Variants in HACL2 observed in about 807,000 individuals in gnomAD.
The protein encoded by HACL2 is 2-hydroxyacyl-CoA lyase 1 like.
chr19:15,116,670 T>A, the HACL2 span: 1 of 629,972 alleles, frequency 1.6e-6, no homozygotes, highest in Non-Finnish European at 2.8e-6. Context: ...AAAAAACAGG[T>A]GAAACACCCC....
the HACL2 span, chr19:15,116,731 G>A: frequency 1.7e-6 from 1 of 572,320 alleles, no homozygotes; most frequent in Non-Finnish European, 3.1e-6. Context: ...GGGAAGACAA[G>A]GCCCAAGAAA....
At chr19:15,116,191 G>C in the HACL2 span, 1 of 1,613,690 alleles carries the variant, frequency 6.2e-7, no homozygotes, top group South Asian at 1.1e-5. Flanking sequence ...GGCTGTACCA[G>C]ATGGGCAGCA....
the HACL2 span, chr19:15,122,857 C>T: frequency 6.2e-7 from 1 of 1,613,054 alleles, no homozygotes; most frequent in Non-Finnish European, 8.5e-7. This position sits in a 1 kb window ranked among gnomAD's most constrained non-coding sequence, Gnocchi z 4.0. Context: ...GCCCCTCGGC[C>T]CCAGCACTGC....
At chr19:15,122,747 T>C in the HACL2 span, 1 of 1,614,132 alleles carries the variant, frequency 6.2e-7, no homozygotes, top group East Asian at 2.2e-5. The surrounding 1 kb of genome is among the most constrained non-coding windows in gnomAD (Gnocchi z 4.0). Flanking sequence ...CACCATCTCC[T>C]TCTGGACCAT....
At chr19:15,122,943 T>C in the HACL2 span, 8 of 1,605,566 alleles carry the variant, frequency 5.0e-6, no homozygotes, top group African/African-American at 8.0e-5. This position sits in a 1 kb window ranked among gnomAD's most constrained non-coding sequence, Gnocchi z 4.0. Flanking sequence ...GTGGGCACAA[T>C]GTCCCGCACC....
the HACL2 span, among the ~76,000 whole-genome samples, chr19:15,121,637 C>T: frequency 1.3e-5 from 2 of 151,694 alleles, no homozygotes; most frequent in African/African-American, 2.4e-5. Flanking sequence ...GATGAAACCT[C>T]GTCTCTACTA....
the HACL2 span, chr19:15,119,518 G>A: frequency 1.2e-6 from 2 of 1,612,206 alleles, no homozygotes; most frequent in Admixed American, 1.7e-5. Context: ...CGCTGAACCT[G>A]GAGCGAGAGG....
chr19:15,119,738 A>G, the HACL2 span, among the ~76,000 whole-genome samples: 1 of 152,026 alleles, frequency 6.6e-6, no homozygotes, highest in African/African-American at 2.4e-5. Context: ...TTCAGTAGAG[A>G]CAGGGTTTCA....
chr19:15,115,384 G>A, the HACL2 span: 1 of 1,614,016 alleles, frequency 6.2e-7, no homozygotes, highest in Non-Finnish European at 8.5e-7. Flanking sequence ...TCTCCCGTGA[G>A]AGCAGCAAGC....
At chr19:15,122,636 A>C in the HACL2 span, 2 of 1,433,832 alleles carry the variant, frequency 1.4e-6, no homozygotes, top group Non-Finnish European at 2.0e-6. This position sits in a 1 kb window ranked among gnomAD's most constrained non-coding sequence, Gnocchi z 4.0. Context: ...TGTGGGCTGG[A>C]AGCTGCAGGA....
At chr19:15,123,266 G>A in the HACL2 span, 18 of 1,612,058 alleles carry the variant, frequency 1.1e-5, no homozygotes, top group South Asian at 2.0e-4. The surrounding 1 kb of genome is among the most constrained non-coding windows in gnomAD (Gnocchi z 5.1). Context: ...GCCCATCACA[G>A]CCATGCCCAC....
the HACL2 span, chr19:15,122,709 C>T: frequency 6.2e-7 from 1 of 1,614,184 alleles, no homozygotes; most frequent in East Asian, 2.2e-5. The surrounding 1 kb of genome is among the most constrained non-coding windows in gnomAD (Gnocchi z 4.0). Flanking sequence ...ACCACTCGGC[C>T]CACGAGGCCC....
chr19:15,122,912 G>A, the HACL2 span: 1 of 1,608,884 alleles, frequency 6.2e-7, no homozygotes. The surrounding 1 kb of genome is among the most constrained non-coding windows in gnomAD (Gnocchi z 4.0). Context: ...CGACTGGGCG[G>A]CAGCCATCGC....
the HACL2 span, chr19:15,115,397 C>T: frequency 2.4e-5 from 39 of 1,613,936 alleles, no homozygotes; most frequent in South Asian, 3.1e-4. Context: ...CAGCAAGCCC[C>T]GGGCCCCCAG....
chr19:15,119,894 C>T, the HACL2 span: 11 of 899,248 alleles, frequency 1.2e-5, no homozygotes, highest in South Asian at 1.8e-5. Flanking sequence ...AGATTAAGGC[C>T]CCAGTACTGA....
At chr19:15,123,685 G>T in the HACL2 span, 2 of 953,920 alleles carry the variant, frequency 2.1e-6, no homozygotes, top group Non-Finnish European at 1.6e-6. The surrounding 1 kb of genome is among the most constrained non-coding windows in gnomAD (Gnocchi z 5.1). Context: ...CAGGGTGAGA[G>T]GTCAAGAGAA....
the HACL2 span, among the ~76,000 whole-genome samples, chr19:15,118,248 A>G: frequency 6.6e-6 from 1 of 152,178 alleles, no homozygotes; most frequent in Non-Finnish European, 1.5e-5. Context: ...CCAGATGGCC[A>G]TAATATCTCC....
At chr19:15,119,201 G>A in the HACL2 span, 41 of 1,599,708 alleles carry the variant, frequency 2.6e-5, no homozygotes, top group African/African-American at 2.9e-4. Context: ...CTTCAGGGCC[G>A]CACTGCGGTT....
At chr19:15,118,056 G>A in the HACL2 span, 1 of 1,612,090 alleles carries the variant, frequency 6.2e-7, no homozygotes, top group Non-Finnish European at 8.5e-7. Context: ...GAGGCCCCAT[G>A]TCGTCTACCT....
Sources: gnomAD v4.1 joint callset for allele counts (sites outside exome capture counted in the v4.1 genomes callset) on GRCh38, gnomAD v4.1.1 for gene constraint, Gnocchi (gnomAD v3.1) non-coding constraint, MANE v1.5 for transcripts, NCBI Gene and HGNC (gene_info 2026-07-23, HGNC 2026-07-21) for gene names.